The following NLRP4 variants were observed in gnomAD, a reference collection of about 807,000 sequenced individuals.
NLRP4 encodes NACHT, LRR and PYD domains-containing protein 4.
Under a neutral mutation model 84.7 loss-of-function variants are expected in NLRP4, and 44 were observed. That is an observed-to-expected ratio of 0.52 (90% CI 0.41 to 0.67). NLRP4 has a LOEUF of 0.67. NLRP4 is among the 30% of genes least tolerant of loss of function. The pLI, the probability that NLRP4 is intolerant of heterozygous loss-of-function variation, is 0.00. For missense variants in NLRP4, 1,260 were observed against 1,219.4 expected, an observed-to-expected ratio of 1.03 and a Z score of -0.50; for synonymous variants, 544 against 476.4, an observed-to-expected ratio of 1.14 and a Z score of -1.85.
chr19:55,876,535 T>TA (rs1265327277), intron 7 of NLRP4, among the ~76,000 whole-genome samples: 3 of 151,726 alleles, frequency 2.0e-5, no homozygotes, highest in Admixed American at 2.0e-4. Flanking sequence ...TTTTTTGTGT[T>TA]TTTTTTAGTA....
rs192354405 is a variant in NLRP4, at chr19:55,866,141, C to G, written c.2187-1568C>G. Among the ~76,000 whole-genome samples, 48 of 152,234 alleles carry G rather than the reference C, an allele frequency of 3.2e-4. 1 individual carries two copies. The highest frequency in any genetic ancestry group is 3.1e-3 in the Admixed American group (47 of 15,280). ...CTCCGCCTCCTGGGTTCAAGTGATT[C>G]TTCTGCCTCAGCCTCCTGAGTAGCT... On this transcript the variant is annotated intron_variant, in intron 5 of 9. Transcript: ENST00000301295.
rs1984570017 is a variant in NLRP4, at chr19:55,858,611, T to C, written c.1218T>C (p.Gly406=). ...LKALCSLAAE[G]MWTDTFEFCE... is the part of the protein sequence containing the mutation. Reference sequence around the variant, plus strand: ...CCCTGTGCTCCCTGGCTGCAGAGGGTATGTGGACAGACACATTTGAGTTTT... The same window carrying C: ...CCCTGTGCTCCCTGGCTGCAGAGGGCATGTGGACAGACACATTTGAGTTTT... Residue 406 remains glycine, a synonymous_variant, in exon 3 of 10, where the codon GGT becomes GGC. Transcript: ENST00000301295. The surrounding 1 kb of genome is among the most constrained non-coding windows in gnomAD (Gnocchi z 4.2). 6 of 1,614,026 alleles carry C rather than the reference T, an allele frequency of 3.7e-6. No homozygotes were observed. Among genetic ancestry groups the C allele is most frequent in the Non-Finnish European group, 4.2e-6 (5 of 1,180,040 alleles).
At chr19:55,852,821 G>T (rs1050543589) in intron 2 of NLRP4, among the ~76,000 whole-genome samples, 1 of 152,160 alleles carries the variant, frequency 6.6e-6, no homozygotes, top group Non-Finnish European at 1.5e-5. Flanking sequence ...CTTAGACGTG[G>T]TGGTTACATG....
rs1984182080 is a variant in NLRP4, at chr19:55,852,015, G to A, written c.-65-1G>A. 2.4e-6 allele frequency: 3 copies of A among 1,227,914 alleles called. No individual in the cohort carries two copies. Among genetic ancestry groups the A allele is most frequent in the Non-Finnish European group, 3.5e-6 (3 of 857,088 alleles). The allele number at this position is 1,227,914 out of a possible 1,614,324, so 76.1% of individuals were successfully genotyped here. On this transcript the variant is annotated splice_acceptor_variant, in intron 1 of 9. Transcript: ENST00000301295. LOFTEE classifies it low-confidence loss of function (5UTR_SPLICE). ...TTGGCACTGTCCTGAATTTTCTACA[G>A]GTTTTATTTATTTATTGTTCCTGGT...
At chr19:55,849,876 G>A (rs112909898) in intron 1 of NLRP4, among the ~76,000 whole-genome samples, 977 of 97,172 alleles carry the variant, frequency 0.01, 41 homozygotes, top group African/African-American at 0.046. Context: ...TTCCGTGGCC[G>A]CGGTGTAATT....
intron 5 of NLRP4, among the ~76,000 whole-genome samples, chr19:55,865,351 G>T (rs1984915558): frequency 1.3e-5 from 2 of 152,190 alleles, no homozygotes; most frequent in African/African-American, 2.4e-5. Context: ...GTATTCCATG[G>T]TGTATATGTA....
Position 55,860,564 on chromosome 19 carries a change from A to G in NLRP4, c.1857-822A>G, listed in dbSNP as rs111697738. 2.4e-3 allele frequency among the ~76,000 whole-genome samples: 363 copies of G among 152,316 alleles called. 3 individuals carry two copies. The highest frequency in any genetic ancestry group is 8.3e-3 in the African/African-American group (343 of 41,562). ...GCCACTGTATAACCCAGCCTGGGCA[A>G]TAGAGCAAGACCCCATCTCAAAAAC... On this transcript the variant is annotated intron_variant, in intron 3 of 9. Coordinates refer to ENST00000301295, the MANE Select transcript of NLRP4 (RefSeq NM_134444.5).
chr19:55,867,452 G>C (rs1985003606), intron 5 of NLRP4, among the ~76,000 whole-genome samples: 1 of 150,598 alleles, frequency 6.6e-6, no homozygotes, highest in South Asian at 2.1e-4. Context: ...GTATAACTGA[G>C]ATGGTGCATC....
At chr19:55,851,922 A>G (rs1984177324) in intron 1 of NLRP4, 94 bp from the exon 2 acceptor site, 2 of 602,492 alleles carry the variant, frequency 3.3e-6, no homozygotes, top group Non-Finnish European at 5.7e-6. Context: ...TTCCGCCTTC[A>G]TTGCCATCCC....
chr19:55,861,653 C>T (rs1024659695), intron 4 of NLRP4, 106 bp downstream of exon 4: 1 of 1,064,298 alleles, frequency 9.4e-7, no homozygotes, highest in Admixed American at 2.0e-5. Flanking sequence ...AATTAACATC[C>T]AGAGCAGTTG....
Position 55,881,636 on chromosome 19 carries a change from T to C in NLRP4, c.*49T>C. 1.1e-6 allele frequency: 1 copy of C among 884,114 alleles called. No individual in the cohort carries two copies. The allele number at this position is 884,114 out of a possible 1,614,324, so 54.8% of individuals were successfully genotyped here. ...TCGAACACCTGCAAAGGACAGGGAC[T>C]GGGACCGTTACTTACATGACACTGC... On this transcript the variant is annotated 3_prime_UTR_variant, in exon 10 of 10. Coordinates refer to ENST00000301295, the MANE Select transcript of NLRP4 (RefSeq NM_134444.5).
At chr19:55,869,666 A>G (rs1985097592) in intron 6 of NLRP4, among the ~76,000 whole-genome samples, 1 of 152,182 alleles carries the variant, frequency 6.6e-6, no homozygotes, top group African/African-American at 2.4e-5. Context: ...AAACATAAAA[A>G]TGCCAGGAAA....
chr19:55,851,279 G>A (rs1444835305), intron 1 of NLRP4, among the ~76,000 whole-genome samples: 2 of 45,244 alleles, frequency 4.4e-5, no homozygotes, highest in Admixed American at 4.2e-4. Context: ...ACGAGGCTGC[G>A]GTGTAATGTC....
chr19:55,878,944 G>C lies in NLRP4; in HGVS notation c.2847G>C (p.Glu949Asp). Residue 949 changes from glutamate (E) to aspartate (D), a missense_variant, in exon 9 of 10, where the codon GAG becomes GAC. Coordinates refer to ENST00000301295, the MANE Select transcript of NLRP4 (RefSeq NM_134444.5). ...VVLCEALRHP[E>D]CALQVLGLRK... Reference sequence around the variant, plus strand: ...TCTGTGAGGCCCTGAGACACCCAGAGTGTGCCCTGCAGGTGCTCGGGTGAG... The same window carrying C: ...TCTGTGAGGCCCTGAGACACCCAGACTGTGCCCTGCAGGTGCTCGGGTGAG... The C allele has an allele frequency of 1.9e-6, 3 of 1,613,598 alleles. No homozygotes were observed. The highest frequency in any genetic ancestry group is 2.5e-6 in the Non-Finnish European group (3 of 1,179,604).
intron 9 of NLRP4, among the ~76,000 whole-genome samples, chr19:55,879,494 C>A (rs1172885783): frequency 6.6e-6 from 1 of 150,596 alleles, no homozygotes; most frequent in Non-Finnish European, 1.5e-5. Flanking sequence ...AGCCCCCACC[C>A]CAGTCTTTTA....
At chr19:55,881,136 C>CGT (rs56806641) in intron 9 of NLRP4, among the ~76,000 whole-genome samples, 2,861 of 139,570 alleles carry the variant, frequency 0.02, 40 homozygotes, top group South Asian at 0.031. Context: ...GTGAGAGCCA[C>CGT]GTGTGTGTGT....
rs374665822 is a variant in NLRP4 at position 55,858,593 on chromosome 19, C to T, written c.1200C>T (p.Cys400=). Reference sequence around the variant, plus strand: ...CCCAGCACCAGCTGAAGGCCCTGTGCTCCCTGGCTGCAGAGGGTATGTGGA... The same window carrying T: ...CCCAGCACCAGCTGAAGGCCCTGTGTTCCCTGGCTGCAGAGGGTATGTGGA... ...PQTQHQLKAL[C]SLAAEGMWTD... Residue 400 remains cysteine, a synonymous_variant, in exon 3 of 10, where the codon TGC becomes TGT. Coordinates refer to ENST00000301295, the MANE Select transcript of NLRP4 (RefSeq NM_134444.5). The surrounding 1 kb of genome is among the most constrained non-coding windows in gnomAD (Gnocchi z 4.2). 2.6e-5 allele frequency: 42 copies of T among 1,614,116 alleles called. No individual in the cohort carries two copies. Among genetic ancestry groups the T allele is most frequent in the Non-Finnish European group, 3.3e-5 (39 of 1,180,036 alleles).
intron 7 of NLRP4, among the ~76,000 whole-genome samples, chr19:55,871,264 C>T (rs1262155250): frequency 6.6e-6 from 1 of 152,262 alleles, no homozygotes; most frequent in African/African-American, 2.4e-5. Context: ...AGGTCGGGAC[C>T]TGAGGGGCAA....
intron 7 of NLRP4, among the ~76,000 whole-genome samples, chr19:55,872,186 G>A (rs933113770): frequency 6.6e-6 from 1 of 152,068 alleles, no homozygotes; most frequent in Non-Finnish European, 1.5e-5. Flanking sequence ...TAAGTAGATA[G>A]CACTTAAGGC....
Sources: allele counts gnomAD v4.1 joint callset (sites outside exome capture counted in the v4.1 genomes callset), GRCh38; gene constraint gnomAD v4.1.1; non-coding constraint Gnocchi (gnomAD v3.1); transcripts MANE v1.5; gene names NCBI Gene and HGNC (gene_info 2026-07-23, HGNC 2026-07-21).